The following HHLA1 variants were observed in gnomAD, a reference collection of about 807,000 sequenced individuals.
The protein encoded by HHLA1 is HERV-H LTR-associating protein 1.
In HHLA1, 72 loss-of-function variants were observed where a neutral mutation model predicts 69.9. The ratio of observed to expected loss-of-function variants is 1.03; its 90% CI spans 0.85 to 1.25. The LOEUF (loss-of-function observed/expected upper bound fraction) is 1.25. Among genes scored for constraint, HHLA1 ranks in the 50% most tolerant of loss-of-function variants. The pLI is 0.00. For synonymous variants in HHLA1, 252 were observed against 233.2 expected (o/e 1.08, Z -0.73); for missense variants, 685 against 642.2 (o/e 1.07, Z -0.72).
intron 10 of HHLA1, among the ~76,000 whole-genome samples, chr8:132,083,722 T>A (rs1250799262): frequency 1.3e-5 from 2 of 151,914 alleles, no homozygotes; most frequent in Admixed American, 6.6e-5. Context: ...TGGGAGGAGG[T>A]TCTGGAGGAA....
rs1823674701 is a variant in HHLA1 at position 132,077,909 on chromosome 8, A to T, written c.988T>A (p.Ser330Thr). ...TADRQTWASISSVPWAQTISE... is the reference protein window; with the variant it reads ...TADRQTWASITSVPWAQTISE... ...ATGGTCTGAGCCCAGGGCACGGACG[A>T]TATGGAAGCCCACGTCTGTCTGTCA... Residue 330 changes from serine to threonine, a missense_variant, in exon 12 of 17, where the codon TCG becomes ACG. Physicochemically the swap from Ser to Thr is moderately conservative, Grantham distance 58. Transcript: ENST00000414222. 3 of 1,551,564 alleles carry T rather than the reference A, an allele frequency of 1.9e-6. No individual in the cohort carries two copies. Among genetic ancestry groups the T allele is most frequent in the Non-Finnish European group, 2.6e-6 (3 of 1,146,930 alleles).
intron 14 of HHLA1, among the ~76,000 whole-genome samples, chr8:132,075,359 T>C (rs1823617227): frequency 6.6e-6 from 1 of 152,202 alleles, no homozygotes; most frequent in Admixed American, 6.5e-5. Context: ...TGTATCCATT[T>C]CTTTCTTATG....
At chr8:132,105,006 G>C (rs1289092506) in intron 2 of HHLA1, among the ~76,000 whole-genome samples, 181 bp downstream of exon 2, 1 of 152,162 alleles carries the variant, frequency 6.6e-6, no homozygotes, top group East Asian at 1.9e-4. Context: ...CTTTTGCATA[G>C]ATGGGACTTA....
rs570639119 is a variant in HHLA1 at position 132,104,733 on chromosome 8, C to G, written c.79+454G>C. Among the ~76,000 whole-genome samples, 11 of 152,122 alleles carry G rather than the reference C, an allele frequency of 7.2e-5. No individual in the cohort carries two copies. In the East Asian group the frequency reaches 1.9e-3, roughly 27 times the overall value. ...GCAGGGATGGTGAGGGAGGCAGGGT[C>G]ACGCAGAGCCTGAAAAGGACCTGGT... On this transcript the variant is annotated intron_variant, in intron 2 of 16. Transcript: ENST00000414222.
At chr8:132,086,521 TC>T (rs1823866651) in intron 10 of HHLA1, among the ~76,000 whole-genome samples, 1 of 152,178 alleles carries the variant, frequency 6.6e-6, no homozygotes, top group South Asian at 2.1e-4. Context: ...TTCAGGCACA[TC>T]AACTTTAGCA....
At chr8:132,078,454 G>A (rs544273116) in intron 11 of HHLA1, among the ~76,000 whole-genome samples, 1 of 152,084 alleles carries the variant, frequency 6.6e-6, no homozygotes, top group Non-Finnish European at 1.5e-5. Flanking sequence ...AATAACACCT[G>A]CCCTCCAACA....
chr8:132,064,066 C>T (rs1223611390), intron 16 of HHLA1, 28 bp from the exon 17 acceptor site: 2 of 1,279,038 alleles, frequency 1.6e-6, no homozygotes, highest in Non-Finnish European at 2.1e-6. Context: ...GAAGAAGGAA[C>T]TCAAGGTACT....
chr8:132,070,142 T>C, intron 15 of HHLA1: 3 of 435,278 alleles, frequency 6.9e-6, no homozygotes, highest in Admixed American at 4.1e-5. Flanking sequence ...TCTTTGAAAA[T>C]AACATTAAAG....
At position 132,062,761 on chromosome 8, in the gene HHLA1, G is replaced by GACTCCACAGACGT. The variant is rs1213883883; in HGVS notation, c.*1221_*1233dup. The stretch of plus-strand genomic sequence containing the variant: ...GTATGTGGGGATGCAGAAGAAAGTT[G>GACTCCACAGACGT]ACTCCACAGACGTACTCCACAGATG... On this transcript the variant is annotated 3_prime_UTR_variant, in exon 17 of 17. Coordinates refer to ENST00000414222, the MANE Select transcript of HHLA1 (RefSeq NM_001145095.3). 6.6e-6 allele frequency: 1 copy of GACTCCACAGACGT among 152,268 alleles called. No individual in the cohort carries two copies. The highest frequency in any genetic ancestry group is 1.5e-5 in the Non-Finnish European group (1 of 68,088). The allele number at this position is 152,268 out of a possible 1,614,324, so 9.4% of individuals were successfully genotyped here.
At chr8:132,080,139 T>C (rs1277759592) in intron 10 of HHLA1, 173 bp from the exon 11 acceptor site, 1 of 896,402 alleles carries the variant, frequency 1.1e-6, no homozygotes. Flanking sequence ...TGTCAGAGCC[T>C]TTCTTCCACC....
intron 3 of HHLA1, chr8:132,101,274 C>G (rs1475919460): frequency 6.5e-7 from 1 of 1,549,698 alleles, no homozygotes; most frequent in Non-Finnish European, 8.7e-7. Flanking sequence ...TTTCCAGACA[C>G]TGAAATAAAA....
At chr8:132,107,913 A>G (rs1344970305) in intron 1 of HHLA1, among the ~76,000 whole-genome samples, 1 of 152,204 alleles carries the variant, frequency 6.6e-6, no homozygotes, top group Non-Finnish European at 1.5e-5. Context: ...ATCTGGCCTT[A>G]CGCTTCCCTT....
chr8:132,105,216 A>G lies in HHLA1; in HGVS notation c.50T>C (p.Leu17Pro). 1.9e-6 allele frequency: 3 copies of G among 1,552,220 alleles called. No individual in the cohort carries two copies. Among genetic ancestry groups the G allele is most frequent in the South Asian group, 2.4e-5 (2 of 84,068 alleles). ...RGPSMKLCMG[L>P]ACVLSLWNTV... ...GTTCCAAAGGGACAAGACACATGCCAGGCCCATGCACAGCTTCATTGAAGG... is the reference window on the plus strand; with the variant it reads ...GTTCCAAAGGGACAAGACACATGCCGGGCCCATGCACAGCTTCATTGAAGG... Residue 17 changes from leucine (L) to proline (P), a missense_variant, in exon 2 of 17, where the codon CTG becomes CCG. Transcript: ENST00000414222.
chr8:132,108,852 G>C (rs576759643), intron 1 of HHLA1, among the ~76,000 whole-genome samples: 14 of 152,132 alleles, frequency 9.2e-5, no homozygotes, highest in Non-Finnish European at 1.8e-4. Flanking sequence ...AGCATCCATT[G>C]GTTTCCCCAT....
chr8:132,101,353 CT>C, intron 3 of HHLA1: 1 of 1,495,668 alleles, frequency 6.7e-7, no homozygotes, highest in Non-Finnish European at 8.9e-7. Context: ...TAGAAATCAT[CT>C]TGTCCAACAC....
chr8:132,070,131 G>C (rs1255479100), intron 15 of HHLA1: 2 of 402,088 alleles, frequency 5.0e-6, no homozygotes, highest in Non-Finnish European at 9.0e-6. Flanking sequence ...CTTGAGAGTA[G>C]TCTTTGAAAA....
intron 10 of HHLA1, among the ~76,000 whole-genome samples, chr8:132,086,632 G>T (rs546040104): frequency 1.3e-5 from 2 of 152,168 alleles, no homozygotes; most frequent in Non-Finnish European, 2.9e-5. Flanking sequence ...TGTGTTGAGG[G>T]GGGTGTGGTG....
chr8:132,103,856 AG>A (rs1169825702), intron 3 of HHLA1, among the ~76,000 whole-genome samples: 2 of 152,240 alleles, frequency 1.3e-5, no homozygotes, highest in African/African-American at 4.8e-5. Flanking sequence ...GATGATGGCA[AG>A]TAACGGTACC....
At position 132,095,725 on chromosome 8, in the gene HHLA1, C is replaced by T; in HGVS notation, c.342G>A (p.Lys114=). The part of the protein sequence containing the change: ...VTSYSSFAFH[K]FSVAVYNISN... ...CACTGTTGTAAACAGCTACAGAAAA[C>T]TTGTGGAAGGCGAAGGAACTGTAGG... is the stretch of plus-strand genomic sequence containing the variant. The change falls in exon 6 of 17, where the codon AAG becomes AAA. Residue 114 remains lysine (K), a synonymous_variant. Transcript: ENST00000414222. 6.4e-7 allele frequency: 1 copy of T among 1,551,228 alleles called. No homozygotes were observed. The highest frequency in any genetic ancestry group is 8.7e-7 in the Non-Finnish European group (1 of 1,146,802).
Sources: gnomAD v4.1 joint callset for allele counts (sites outside exome capture counted in the v4.1 genomes callset) on GRCh38, gnomAD v4.1.1 for gene constraint, MANE v1.5 for transcripts, NCBI Gene and HGNC (gene_info 2026-07-23, HGNC 2026-07-21) for gene names.